Variants in DMD observed in about 807,000 individuals in gnomAD.
The protein encoded by DMD is dystrophin.
In DMD, 63 loss-of-function variants were observed where a neutral mutation model predicts 330.1. That is an observed-to-expected ratio of 0.19 (90% CI 0.16 to 0.24). The LOEUF (loss-of-function observed/expected upper bound fraction) is 0.24. Among genes scored for constraint, DMD ranks in the 10% least tolerant of loss-of-function variants. The pLI is 1.00. For missense variants in DMD, 3,344 were observed against 2,684.1 expected (o/e 1.25, Z -5.43); for synonymous variants, 1,223 against 959.8 (o/e 1.27, Z -5.07).
intron 2 of DMD, among the ~76,000 whole-genome samples, chrX:32,894,677 A>G (rs979027557): frequency 2.1e-4 from 24 of 112,561 alleles, no homozygotes; most frequent in East Asian, 2.8e-4. Flanking sequence ...GGCTACTCCC[A>G]GATTCCGTAG....
Position 31,751,544 on chromosome X carries a change from C to G in DMD, c.7543-21796G>C, listed in dbSNP as rs765695368. Among the ~76,000 whole-genome samples, 13 of 112,003 alleles carry G rather than the reference C, an allele frequency of 1.2e-4. No homozygotes were observed. The South Asian group carries it at 4.5e-3, about 39-fold the overall frequency. On this transcript the variant is annotated intron_variant, in intron 51 of 78. Coordinates refer to ENST00000357033, the MANE Select transcript of DMD (RefSeq NM_004006.3). The stretch of plus-strand genomic sequence containing the variant: ...CTCTAACTTCATTTCCAGCTGGACA[C>G]TTTTCCCTTTTTGTTCTGCTTTATT...
intron 2 of DMD, among the ~76,000 whole-genome samples, chrX:32,887,037 A>G (rs2084656834): frequency 8.9e-6 from 1 of 111,919 alleles, no homozygotes; most frequent in South Asian, 3.7e-4. Context: ...CTTCCATTCA[A>G]TTGGGAATAT....
chrX:32,215,048 A>G (rs1023416894), intron 44 of DMD, among the ~76,000 whole-genome samples: 9 of 111,931 alleles, frequency 8.0e-5, no homozygotes, highest in African/African-American at 2.9e-4. Flanking sequence ...CATGGAAGAA[A>G]TAAAAAGACC....
intron 61 of DMD, among the ~76,000 whole-genome samples, chrX:31,342,051 G>T (rs1017075669): frequency 2.7e-5 from 3 of 110,775 alleles, no homozygotes; most frequent in African/African-American, 9.9e-5. Flanking sequence ...ATTGTTGGTT[G>T]TAAGTCATTA....
intron 48 of DMD, among the ~76,000 whole-genome samples, chrX:31,856,395 G>C (rs957833271): frequency 6.3e-5 from 7 of 111,848 alleles, no homozygotes; most frequent in Non-Finnish European, 7.5e-5. Context: ...TGAAGAGCTG[G>C]AACAATCTGA....
chrX:32,044,371 T>TA (rs1427064032), intron 44 of DMD, among the ~76,000 whole-genome samples: 1,767 of 106,739 alleles, frequency 0.017, 12 homozygotes, highest in Non-Finnish European at 0.019. Context: ...AACAGCCTAT[T>TA]AAAAAAAAAA....
At chrX:33,190,884 ATAATAT>A (rs2050522763) in intron 1 of DMD, among the ~76,000 whole-genome samples, 3 of 1,422 alleles carry the variant, frequency 2.1e-3, no homozygotes, top group African/African-American at 0.013. Flanking sequence ...TATATAATAT[ATAATAT>A]TATATATTAT....
At chrX:31,261,068 G>A (rs1259217579) in intron 62 of DMD, 52 bp from the exon 63 acceptor site, 7 of 1,042,816 alleles carry the variant, frequency 6.7e-6, no homozygotes, top group Non-Finnish European at 9.4e-6. Context: ...GAGTAGTCAA[G>A]AAAACAGGAA....
chrX:32,830,551 G>C (rs532936363), intron 4 of DMD, among the ~76,000 whole-genome samples: 1 of 111,449 alleles, frequency 9.0e-6, no homozygotes, highest in Admixed American at 9.6e-5. Context: ...GTTACCCAAA[G>C]TTCTGCTTTC....
chrX:31,413,627 T>A (rs1419525795), intron 60 of DMD, among the ~76,000 whole-genome samples: 1 of 112,396 alleles, frequency 8.9e-6, no homozygotes, highest in East Asian at 2.8e-4. Context: ...GAAGTAGAAC[T>A]GAATTCACTC....
intron 2 of DMD, among the ~76,000 whole-genome samples, chrX:32,884,396 G>A (rs183211823): frequency 2.7e-5 from 3 of 111,962 alleles, no homozygotes; most frequent in East Asian, 2.8e-4. Flanking sequence ...AGTTAAAAGC[G>A]GTACCAACAG....
chrX:32,082,447 A>AGAT (rs1329823424), intron 44 of DMD, among the ~76,000 whole-genome samples: 1 of 104,139 alleles, frequency 9.6e-6, no homozygotes, highest in African/African-American at 3.5e-5. Flanking sequence ...TATTTTGTAG[A>AGAT]GATGAGGCCT....
chrX:31,209,609 A>G lies in DMD; in HGVS notation c.9452T>C (p.Ile3151Thr), dbSNP rs1317996986. Reference protein sequence around the residue: ...NDQPMDILQIINCLTTIYDRL... With the variant: ...NDQPMDILQITNCLTTIYDRL... Reference sequence around the variant, plus strand: ...GTCATAAATAGTGGTCAAACAATTAATAATCTGCAGGATATCCATGGGCTG... The same window carrying G: ...GTCATAAATAGTGGTCAAACAATTAGTAATCTGCAGGATATCCATGGGCTG... The change falls in exon 65 of 79, where the codon ATT (isoleucine) becomes ACT (threonine). Residue 3151 changes from isoleucine (I) to threonine (T), a missense_variant. Coordinates refer to ENST00000357033, the MANE Select transcript of DMD (RefSeq NM_004006.3). 8.3e-7 allele frequency: 1 copy of G among 1,210,022 alleles called. No homozygotes were observed. The highest frequency in any genetic ancestry group is 1.8e-5 in the African/African-American group (1 of 57,138).
rs5972581 is a variant in DMD at position 32,490,784 on chromosome X, A to T, written c.2622+493T>A. Among the ~76,000 whole-genome samples the T allele has an allele frequency of 3.6e-5, 4 of 111,716 alleles. No individual in the cohort carries two copies. In the East Asian group the frequency reaches 1.1e-3, roughly 32 times the overall value. On this transcript the variant is annotated intron_variant, in intron 20 of 78. Transcript: ENST00000357033. ...TCTGTACTCCAGCTACATTTTAAAA[A>T]TATCTTTTTGTAAAGAAACCTTCCT...
At chrX:33,008,949 TAC>T (rs1251681153) in intron 2 of DMD, among the ~76,000 whole-genome samples, 1 of 97,678 alleles carries the variant, frequency 1.0e-5, no homozygotes, top group South Asian at 4.6e-4. Flanking sequence ...CACGTATATA[TAC>T]GTATATATAC....
intron 4 of DMD, among the ~76,000 whole-genome samples, chrX:32,828,676 T>C (rs145906370): frequency 0.019 from 2,091 of 110,563 alleles, 38 homozygotes; most frequent in African/African-American, 0.059. Flanking sequence ...CACACATATA[T>C]ACACATATAT....
At chrX:31,684,825 G>A (rs1328077372) in intron 52 of DMD, among the ~76,000 whole-genome samples, 1 of 111,940 alleles carries the variant, frequency 8.9e-6, no homozygotes, top group Non-Finnish European at 1.9e-5. Flanking sequence ...TCTTTCAACT[G>A]TTTAATGACA....
chrX:31,495,777 G>C (rs1255936086), intron 57 of DMD, among the ~76,000 whole-genome samples: 2 of 111,453 alleles, frequency 1.8e-5, no homozygotes, highest in Admixed American at 1.9e-4. Context: ...GCCACTGATC[G>C]TGAACAGCTA....
At chrX:31,890,110 A>C (rs1439428900) in intron 47 of DMD, among the ~76,000 whole-genome samples, 3 of 109,881 alleles carry the variant, frequency 2.7e-5, no homozygotes, top group Admixed American at 9.8e-5. Context: ...CCTTCTTTTT[A>C]CTTTTATATA....
Sources: gnomAD v4.1 joint callset for allele counts (sites outside exome capture counted in the v4.1 genomes callset) on GRCh38, gnomAD v4.1.1 for gene constraint, MANE v1.5 for transcripts, NCBI Gene and HGNC (gene_info 2026-07-23, HGNC 2026-07-21) for gene names.